NCAM2: variants seen among roughly 807,000 people sequenced by gnomAD.
NCAM2 encodes neural cell adhesion molecule 2.
In NCAM2, 30 loss-of-function variants were observed where a neutral mutation model predicts 98.1. The ratio of observed to expected loss-of-function variants is 0.31; its 90% CI spans 0.23 to 0.41. The LOEUF (loss-of-function observed/expected upper bound fraction) is 0.41, where lower values mean the gene tolerates loss of function less well. Ranked by LOEUF, NCAM2 falls within the 10% of genes least tolerant of loss-of-function variation. NCAM2 has a pLI of 1.00. For missense variants in NCAM2, 867 were observed against 1,005.8 expected, an observed-to-expected ratio of 0.86 and a Z score of 1.87; for synonymous variants, 368 against 342.4, an observed-to-expected ratio of 1.07 and a Z score of -0.83.
At chr21:21,088,950 G>A (rs1279714249) in intron 1 of NCAM2, among the ~76,000 whole-genome samples, 1 of 149,056 alleles carries the variant, frequency 6.7e-6, no homozygotes, top group African/African-American at 2.5e-5. Flanking sequence ...CAGCCTGGGC[G>A]ACAGAGCGAA....
intron 15 of NCAM2, among the ~76,000 whole-genome samples, chr21:21,496,982 T>A (rs183839603): frequency 7.2e-4 from 109 of 152,048 alleles, no homozygotes; most frequent in African/African-American, 2.6e-3. Context: ...AGTGGTAGAT[T>A]GTATAAAGAA....
At chr21:21,402,484 G>A (rs1275283411) in intron 9 of NCAM2, among the ~76,000 whole-genome samples, 1 of 152,122 alleles carries the variant, frequency 6.6e-6, no homozygotes, top group Non-Finnish European at 1.5e-5. Flanking sequence ...TTTCTGTTAA[G>A]ATGTTTATCA....
At chr21:21,346,208 C>CAAAA (rs57663409) in intron 8 of NCAM2, among the ~76,000 whole-genome samples, 2 of 112,528 alleles carry the variant, frequency 1.8e-5, no homozygotes, top group Non-Finnish European at 4.0e-5. Context: ...CAACTGAAAC[C>CAAAA]AAAAAAAAAA....
At chr21:21,263,864 A>G (rs2147362495) in intron 1 of NCAM2, among the ~76,000 whole-genome samples, 1 of 152,168 alleles carries the variant, frequency 6.6e-6, no homozygotes, top group Middle Eastern at 3.2e-3. Context: ...GCTCAAGATG[A>G]ATTAAGGACT....
chr21:21,151,392 A>C (rs2067444401), intron 1 of NCAM2, among the ~76,000 whole-genome samples: 1 of 152,078 alleles, frequency 6.6e-6, no homozygotes, highest in South Asian at 2.1e-4. Context: ...AAGACTATTC[A>C]GTAGTTGTTG....
intron 15 of NCAM2, among the ~76,000 whole-genome samples, chr21:21,496,296 T>A (rs967773233): frequency 4.6e-5 from 7 of 152,040 alleles, no homozygotes; most frequent in African/African-American, 1.7e-4. Flanking sequence ...TTTGACTTTT[T>A]AAAATGATTA....
intron 8 of NCAM2, among the ~76,000 whole-genome samples, chr21:21,359,979 A>T (rs1439758250): frequency 3.9e-5 from 6 of 151,934 alleles, no homozygotes; most frequent in Non-Finnish European, 5.9e-5. Flanking sequence ...TTCAATTTTT[A>T]AAAATATATA....
intron 1 of NCAM2, among the ~76,000 whole-genome samples, chr21:21,223,967 C>G (rs2070276435): frequency 6.6e-6 from 1 of 152,094 alleles, no homozygotes; most frequent in Non-Finnish European, 1.5e-5. Context: ...AAAGAGAAAG[C>G]AATCACGGAA....
chr21:21,448,234 G>A (rs571544287), intron 12 of NCAM2, among the ~76,000 whole-genome samples: 269 of 152,212 alleles, frequency 1.8e-3, no homozygotes, highest in Non-Finnish European at 2.0e-3. Context: ...ATGAGAACAT[G>A]TCCTTTGCAG....
chr21:21,242,696 T>C (rs933929108), intron 1 of NCAM2, among the ~76,000 whole-genome samples: 4 of 152,218 alleles, frequency 2.6e-5, no homozygotes, highest in Admixed American at 6.5e-5. Context: ...TATTCCATTG[T>C]GTATATAAGA....
At chr21:21,027,001 C>T (rs929680026) in intron 1 of NCAM2, among the ~76,000 whole-genome samples, 5 of 151,794 alleles carry the variant, frequency 3.3e-5, no homozygotes, top group East Asian at 2.0e-4. Context: ...GGATTGCAGG[C>T]GTGCTCCATT....
At chr21:21,006,844 G>A (rs748682929) in intron 1 of NCAM2, among the ~76,000 whole-genome samples, 3 of 152,134 alleles carry the variant, frequency 2.0e-5, no homozygotes, top group African/African-American at 4.8e-5. Context: ...GCTACACTGT[G>A]GATCATAGTT....
intron 1 of NCAM2, among the ~76,000 whole-genome samples, chr21:21,249,287 C>T (rs117454551): frequency 6.0e-4 from 92 of 152,198 alleles, no homozygotes; most frequent in Non-Finnish European, 1.1e-3. Flanking sequence ...TGATCTTTAG[C>T]TAATACAATT....
intron 12 of NCAM2, among the ~76,000 whole-genome samples, chr21:21,457,355 A>G (rs1014939796): frequency 2.0e-5 from 3 of 152,190 alleles, no homozygotes; most frequent in Non-Finnish European, 1.5e-5. Flanking sequence ...AAAAAGTGGC[A>G]AAGAGGTCTG....
intron 1 of NCAM2, among the ~76,000 whole-genome samples, chr21:21,175,528 G>C (rs898877576): frequency 6.6e-6 from 1 of 151,450 alleles, no homozygotes; most frequent in Non-Finnish European, 1.5e-5. Context: ...GCGAGACTCC[G>C]TCTCAAAAAA....
chr21:21,018,836 A>C (rs1310928585), intron 1 of NCAM2, among the ~76,000 whole-genome samples: 1 of 103,718 alleles, frequency 9.6e-6, no homozygotes, highest in Non-Finnish European at 2.1e-5. Flanking sequence ...TATGGAAATA[A>C]AAATATTTAG....
chr21:21,109,699 G>A (rs2066418004), intron 1 of NCAM2, among the ~76,000 whole-genome samples: 1 of 151,988 alleles, frequency 6.6e-6, no homozygotes, highest in Admixed American at 6.6e-5. Context: ...TAAATATATA[G>A]TCAAACTGTG....
chr21:21,096,239 A>T (rs557174946), intron 1 of NCAM2, among the ~76,000 whole-genome samples: 33 of 151,598 alleles, frequency 2.2e-4, no homozygotes, highest in Non-Finnish European at 3.5e-4. Context: ...CTATATATAT[A>T]TTTTTTTAAT....
intron 8 of NCAM2, among the ~76,000 whole-genome samples, chr21:21,365,772 A>G (rs1026908247): frequency 1.3e-5 from 2 of 152,064 alleles, no homozygotes; most frequent in African/African-American, 4.8e-5. Flanking sequence ...AACATTTTCA[A>G]TACTGAAAAT....
Sources: allele counts gnomAD v4.1 joint callset (sites outside exome capture counted in the v4.1 genomes callset), GRCh38; gene constraint gnomAD v4.1.1; transcripts MANE v1.5; gene names NCBI Gene and HGNC (gene_info 2026-07-23, HGNC 2026-07-21).